Variants in ZNF565 observed in about 807,000 individuals in gnomAD.
ZNF565 encodes zinc finger protein 565.
ZNF565 carries 27 observed loss-of-function variants against 39.4 expected under a neutral mutation model. That is an observed-to-expected ratio of 0.69 (90% CI 0.51 to 0.95). The LOEUF is 0.95. ZNF565 is among the 40% of genes least tolerant of loss of function. ZNF565 has a pLI of 0.00. For synonymous variants in ZNF565, 185 were observed against 216.6 expected, an observed-to-expected ratio of 0.85 and a Z score of 1.28; for missense variants, 524 against 621.1, an observed-to-expected ratio of 0.84 and a Z score of 1.66.
At chr19:36,212,985 A>G (rs1375944385) in intron 1 of ZNF565, 1 of 152,254 alleles carries the variant, frequency 6.6e-6, no homozygotes, top group African/African-American at 2.4e-5. Flanking sequence ...ATGAACAACC[A>G]GGTCATTTTT....
intron 2 of ZNF565, among the ~76,000 whole-genome samples, chr19:36,197,021 C>T (rs1191924073): frequency 6.7e-6 from 1 of 150,124 alleles, no homozygotes; most frequent in Admixed American, 6.7e-5. Flanking sequence ...TGCCACCACA[C>T]TCTAGCCTGG....
intron 1 of ZNF565, among the ~76,000 whole-genome samples, chr19:36,231,456 G>A (rs1045786542): frequency 3.9e-5 from 6 of 152,176 alleles, no homozygotes; most frequent in African/African-American, 1.4e-4. Context: ...TGATCTGCCC[G>A]CCTCAGCCTC....
chr19:36,194,887 CT>C, intron 3 of ZNF565, 142 bp downstream of exon 3: 1 of 1,304,228 alleles, frequency 7.7e-7, no homozygotes, highest in Non-Finnish European at 1.1e-6. Context: ...CTGGCCGGGC[CT>C]CTCTCTATGG....
At position 36,196,000 on chromosome 19, in the gene ZNF565, G is replaced by A. The variant is rs185375477; in HGVS notation, c.10-844C>T. Among the ~76,000 whole-genome samples, 395 of 149,982 alleles carry A rather than the reference G, an allele frequency of 2.6e-3. 3 individuals carry two copies. The highest frequency in any genetic ancestry group is 9.0e-3 in the African/African-American group (366 of 40,654). On this transcript the variant is annotated intron_variant, in intron 2 of 4. Transcript: ENST00000304116. ...CACCCAGGTTGGAGTGCAGTGGCAC[G>A]ATCTTGGCTCACTGCAACCTCTTCC...
chr19:36,236,747 A>G (rs1977658298), intron 1 of ZNF565: 1 of 1,614,086 alleles, frequency 6.2e-7, no homozygotes, highest in Non-Finnish European at 8.5e-7. Context: ...TTTTGAGTGT[A>G]AAGATTGCGG....
At chr19:36,232,541 A>G (rs1277111838) in intron 1 of ZNF565, among the ~76,000 whole-genome samples, 2 of 151,524 alleles carry the variant, frequency 1.3e-5, no homozygotes, top group Non-Finnish European at 2.9e-5. Context: ...TTGAGAACGC[A>G]TGAGTTGCTG....
intron 1 of ZNF565, among the ~76,000 whole-genome samples, chr19:36,206,948 G>A (rs1391667505): frequency 6.6e-6 from 1 of 152,202 alleles, no homozygotes; most frequent in East Asian, 1.9e-4. Context: ...GTCTGAGAAG[G>A]TGACAGGTAA....
intron 1 of ZNF565, among the ~76,000 whole-genome samples, chr19:36,213,610 T>C (rs536854738): frequency 5.3e-4 from 80 of 151,962 alleles, no homozygotes; most frequent in Non-Finnish European, 1.0e-3. Context: ...GGTCTAGAAC[T>C]CCTGACCTCA....
At chr19:36,200,401 A>G (rs910813147) in intron 2 of ZNF565, among the ~76,000 whole-genome samples, 3 of 152,156 alleles carry the variant, frequency 2.0e-5, no homozygotes, top group African/African-American at 7.2e-5. Context: ...TTTATGAAAC[A>G]TAACTCTATT....
chr19:36,189,728 G>C (rs1278195944), intron 4 of ZNF565, among the ~76,000 whole-genome samples: 1 of 152,140 alleles, frequency 6.6e-6, no homozygotes, highest in Non-Finnish European at 1.5e-5. Context: ...CAAATATTCT[G>C]TGAAAGACAA....
chr19:36,213,891 AAG>A (rs1976472516), intron 1 of ZNF565, among the ~76,000 whole-genome samples: 1 of 149,970 alleles, frequency 6.7e-6, no homozygotes. Flanking sequence ...CACACCCGCT[AAG>A]ACACACCCAG....
chr19:36,233,278 T>G (rs1330644251), intron 1 of ZNF565, among the ~76,000 whole-genome samples: 1 of 151,870 alleles, frequency 6.6e-6, no homozygotes, highest in African/African-American at 2.4e-5. Flanking sequence ...ACTTGGGAGG[T>G]TGAGGCTTCA....
chr19:36,183,227 C>G lies in ZNF565; in HGVS notation c.739G>C (p.Gly247Arg). The part of the protein sequence containing the change: ...ELILHQRLHT[G>R]VKPYECKECG... The stretch of plus-strand genomic sequence containing the variant: ...TCTTTACATTCATAAGGTTTGACAC[C>G]AGTATGAAGTCTCTGATGTAGAATA... Residue 247 changes from glycine to arginine, a missense_variant, in exon 5 of 5, where the codon GGT becomes CGT. Coordinates refer to ENST00000304116, the MANE Select transcript of ZNF565 (RefSeq NM_152477.5). The G allele has an allele frequency of 1.9e-6, 3 of 1,614,090 alleles. No homozygotes were observed. The South Asian group carries it at 3.3e-5, about 18-fold the overall frequency.
chr19:36,226,751 A>T (rs950969968), intron 1 of ZNF565, among the ~76,000 whole-genome samples: 1 of 152,192 alleles, frequency 6.6e-6, no homozygotes, highest in Non-Finnish European at 1.5e-5. Flanking sequence ...TCCATATTCA[A>T]ATTTGGTCAG....
At chr19:36,210,724 A>C (rs1208858400) in intron 1 of ZNF565, among the ~76,000 whole-genome samples, 2 of 151,572 alleles carry the variant, frequency 1.3e-5, no homozygotes, top group African/African-American at 4.8e-5. Flanking sequence ...TCCCGGGCTC[A>C]AGCAATCCTC....
At chr19:36,189,178 A>T (rs1403749285) in intron 4 of ZNF565, among the ~76,000 whole-genome samples, 1 of 152,090 alleles carries the variant, frequency 6.6e-6, no homozygotes, top group Non-Finnish European at 1.5e-5. Flanking sequence ...AGCACCAGCC[A>T]CTTGGGAACC....
chr19:36,221,805 T>C (rs1052633140), intron 1 of ZNF565, among the ~76,000 whole-genome samples: 2 of 151,994 alleles, frequency 1.3e-5, no homozygotes, highest in Non-Finnish European at 2.9e-5. Flanking sequence ...CACTATTATA[T>C]ATTTCTCTTC....
chr19:36,209,214 T>C (rs539378872), intron 1 of ZNF565, among the ~76,000 whole-genome samples: 1 of 152,040 alleles, frequency 6.6e-6, no homozygotes, highest in Non-Finnish European at 1.5e-5. Flanking sequence ...CTGAAATAGG[T>C]AAGTGGGAAC....
At chr19:36,229,939 C>G (rs1977250383) in intron 1 of ZNF565, among the ~76,000 whole-genome samples, 1 of 152,132 alleles carries the variant, frequency 6.6e-6, no homozygotes, top group Non-Finnish European at 1.5e-5. Context: ...AGGCTGGTCT[C>G]CAACTCCTAT....
Sources: allele counts gnomAD v4.1 joint callset (sites outside exome capture counted in the v4.1 genomes callset), GRCh38; gene constraint gnomAD v4.1.1; transcripts MANE v1.5; gene names NCBI Gene and HGNC (gene_info 2026-07-23, HGNC 2026-07-21).